Variants in RBL1 observed in about 807,000 individuals in gnomAD.
RBL1 encodes retinoblastoma-like protein 1.
RBL1 carries 82 observed loss-of-function variants against 123.0 expected under a neutral mutation model. That is an observed-to-expected ratio of 0.67 (90% CI 0.56 to 0.80). The LOEUF is 0.80. Among genes scored for constraint, RBL1 ranks in the 30% least tolerant of loss-of-function variants. The pLI, the probability that RBL1 is intolerant of heterozygous loss-of-function variation, is 0.00. For synonymous variants in RBL1, 405 were observed against 441.3 expected (o/e 0.92, Z 1.03); for missense variants, 1,171 against 1,299.6 (o/e 0.90, Z 1.52).
intron 21 of RBL1, among the ~76,000 whole-genome samples, chr20:37,000,882 G>A (rs1304111539): frequency 3.7e-3 from 473 of 126,924 alleles, no homozygotes; most frequent in African/African-American, 0.014. Flanking sequence ...CAGCCGCCCC[G>A]TCCAGGAGGG....
intron 17 of RBL1, chr20:37,021,888 A>G (rs538628195): frequency 1.7e-4 from 29 of 170,684 alleles, no homozygotes; most frequent in Non-Finnish European, 2.6e-4. Flanking sequence ...TGTATTGAAC[A>G]TAGTCGGTGC....
chr20:37,088,292 G>C (rs192729774), intron 2 of RBL1, among the ~76,000 whole-genome samples: 7 of 151,120 alleles, frequency 4.6e-5, no homozygotes, highest in Admixed American at 1.3e-4. Context: ...GAGAGAGAGA[G>C]AAAGATCTAT....
chr20:37,069,248 C>T (rs1044804745), intron 2 of RBL1, among the ~76,000 whole-genome samples: 6 of 152,260 alleles, frequency 3.9e-5, no homozygotes, highest in Non-Finnish European at 7.3e-5. Context: ...GCAGCCTCTG[C>T]CCAGCTGCCA....
chr20:37,095,976 C>T lies in RBL1; in HGVS notation c.-48G>A, dbSNP rs747196287. The T allele has an allele frequency of 1.4e-6, 2 of 1,413,656 alleles. No homozygotes were observed. The highest frequency in any genetic ancestry group is 2.5e-5 in the East Asian group (1 of 39,754). 87.6% of individuals were successfully genotyped at this position (1,413,656 alleles called of 1,614,324 possible). The stretch of plus-strand genomic sequence containing the variant: ...GCGCCACGGCCCCCGACTTCTTTCT[C>T]CCTCCCAGGCGCGCTACCCACAACC... On this transcript the variant is annotated 5_prime_UTR_variant, in exon 1 of 22. Coordinates refer to ENST00000373664, the MANE Select transcript of RBL1 (RefSeq NM_002895.5).
At chr20:37,024,169 C>T (rs1199842610) in intron 16 of RBL1, among the ~76,000 whole-genome samples, 2 of 151,986 alleles carry the variant, frequency 1.3e-5, no homozygotes, top group South Asian at 2.1e-4. Context: ...ACCTACAAAC[C>T]GAGCTTAAAA....
intron 16 of RBL1, among the ~76,000 whole-genome samples, chr20:37,029,757 TACA>T (rs764278064): frequency 9.2e-5 from 14 of 152,298 alleles, no homozygotes; most frequent in African/African-American, 2.2e-4. Flanking sequence ...AGAAAATCAA[TACA>T]ACAACATCTC....
chr20:37,021,527 C>T (rs1313120922), intron 17 of RBL1, among the ~76,000 whole-genome samples: 1 of 151,792 alleles, frequency 6.6e-6, no homozygotes, highest in Non-Finnish European at 1.5e-5. Flanking sequence ...TCACTGCAAC[C>T]TCTGCCTCCC....
chr20:37,018,298 G>C lies in RBL1; in HGVS notation c.2703C>G (p.Asp901Glu). The C allele has an allele frequency of 6.2e-7, 1 of 1,610,482 alleles. No individual in the cohort carries two copies. The highest frequency in any genetic ancestry group is 8.5e-7 in the Non-Finnish European group (1 of 1,178,836). Residue 901 changes from aspartate (D) to glutamate (E), a missense_variant, in exon 19 of 22, where the codon GAC becomes GAG. Transcript: ENST00000373664. ...VVAYNKNIND[D>E]FEMIDCDLED... ...ACTTACCACAATCTATCATTTCAAA[G>C]TCATCATTTATATTTTTATTATATG... is the stretch of plus-strand genomic sequence containing the variant.
At position 36,998,267 on chromosome 20, in the gene RBL1, G is replaced by A. The variant is rs2063910296; in HGVS notation, c.*492C>T. 1 of 151,570 alleles carries A rather than the reference G, an allele frequency of 6.6e-6. No homozygotes were observed. The highest frequency in any genetic ancestry group is 2.1e-4 in the South Asian group (1 of 4,806). The allele number at this position is 151,570 out of a possible 1,614,324, so 9.4% of individuals were successfully genotyped here. On this transcript the variant is annotated 3_prime_UTR_variant, in exon 22 of 22. Transcript: ENST00000373664. ...TTTGAGATGGAGTTTTACTCTTGTT[G>A]CCCAGGCTGGAGTGCAGTGGCGCAA...
chr20:37,062,035 CAG>C, intron 8 of RBL1, 47 bp downstream of exon 8: 1 of 1,527,282 alleles, frequency 6.5e-7, no homozygotes, highest in East Asian at 2.3e-5. Context: ...GAATCACACA[CAG>C]AGAGAAAAAG....
chr20:37,015,666 A>G (rs1600466632), intron 19 of RBL1, among the ~76,000 whole-genome samples: 1 of 152,026 alleles, frequency 6.6e-6, no homozygotes, highest in Non-Finnish European at 1.5e-5. Flanking sequence ...TCCTGACCTC[A>G]TGATCCACCT....
At chr20:37,071,385 G>A (rs1163975355) in intron 2 of RBL1, among the ~76,000 whole-genome samples, 3 of 152,136 alleles carry the variant, frequency 2.0e-5, no homozygotes, top group Non-Finnish European at 4.4e-5. Context: ...GCTGGGCATG[G>A]TAGCTCATGC....
chr20:37,041,889 G>A (rs1486064561), intron 13 of RBL1, among the ~76,000 whole-genome samples: 2 of 151,768 alleles, frequency 1.3e-5, no homozygotes, highest in Admixed American at 6.6e-5. Context: ...TGGCTAACAC[G>A]GTGAAACCCT....
intron 15 of RBL1, among the ~76,000 whole-genome samples, chr20:37,034,952 T>G (rs2146251860): frequency 6.6e-6 from 1 of 152,186 alleles, no homozygotes; most frequent in South Asian, 2.1e-4. Flanking sequence ...GTCAGTAATG[T>G]AGGTTCATCA....
intron 14 of RBL1, among the ~76,000 whole-genome samples, chr20:37,036,440 G>C (rs531930216): frequency 3.4e-4 from 51 of 151,948 alleles, no homozygotes; most frequent in African/African-American, 1.1e-3. Context: ...ACCATGCCTG[G>C]CTAATTTTTC....
At chr20:37,033,651 A>ACT (rs1429273166) in intron 15 of RBL1, among the ~76,000 whole-genome samples, 2 of 138,400 alleles carry the variant, frequency 1.4e-5, no homozygotes, top group African/African-American at 5.5e-5. Flanking sequence ...TCACTCTGTC[A>ACT]CCCAGGTGGG....
intron 21 of RBL1, among the ~76,000 whole-genome samples, chr20:37,002,677 C>T (rs1383884419): frequency 6.6e-6 from 1 of 150,992 alleles, no homozygotes; most frequent in East Asian, 2.0e-4. Flanking sequence ...GATTTTAAAG[C>T]TCCCTACAGT....
At chr20:37,053,728 T>G (rs1381022933) in intron 11 of RBL1, among the ~76,000 whole-genome samples, 3 of 152,168 alleles carry the variant, frequency 2.0e-5, no homozygotes, top group Non-Finnish European at 4.4e-5. Flanking sequence ...TGTATGTTGT[T>G]TTTGCTTAAA....
chr20:37,002,443 A>AAGCGATTC (rs1475412582), intron 21 of RBL1, among the ~76,000 whole-genome samples: 1 of 143,270 alleles, frequency 7.0e-6, no homozygotes, highest in Non-Finnish European at 1.5e-5. Context: ...TCCTGGGTTC[A>AAGCGATTC]AGCGATTCTC....
Sources: allele counts gnomAD v4.1 joint callset (sites outside exome capture counted in the v4.1 genomes callset), GRCh38; gene constraint gnomAD v4.1.1; transcripts MANE v1.5; gene names NCBI Gene and HGNC (gene_info 2026-07-23, HGNC 2026-07-21).